Variants in EML6 observed in about 807,000 individuals in gnomAD.
EML6 encodes the protein echinoderm microtubule-associated protein-like 6.
In EML6, 154 loss-of-function variants were observed where a neutral mutation model predicts 240.1. That is an observed-to-expected ratio of 0.64 (90% CI 0.56 to 0.73). The LOEUF (loss-of-function observed/expected upper bound fraction) is 0.73. EML6 is among the 30% of genes least tolerant of loss of function. The pLI, the probability that EML6 is intolerant of heterozygous loss-of-function variation, is 0.00. For synonymous variants in EML6, 1,148 were observed against 899.0 expected, an observed-to-expected ratio of 1.28 and a Z score of -4.95; for missense variants, 2,964 against 2,474.6, an observed-to-expected ratio of 1.20 and a Z score of -4.20.
Position 54,797,650 on chromosome 2 carries a change from G to C in EML6, c.198-15582G>C, listed in dbSNP as rs192086596. On this transcript the variant is annotated intron_variant, in intron 2 of 41. Coordinates refer to ENST00000356458, the MANE Select transcript of EML6 (RefSeq NM_001039753.4). ...TAAAAAAAAAAAAATGCTAGCAATA[G>C]TTGAGGCTTCAGCTAAGGTCTTTGG... Among the ~76,000 whole-genome samples, 4 of 151,968 alleles carry C rather than the reference G, an allele frequency of 2.6e-5. No individual in the cohort carries two copies. In the East Asian group the frequency reaches 7.7e-4, roughly 29 times the overall value.
intron 2 of EML6, among the ~76,000 whole-genome samples, chr2:54,766,123 T>C (rs1668179502): frequency 6.6e-6 from 1 of 152,172 alleles, no homozygotes; most frequent in Non-Finnish European, 1.5e-5. Context: ...CACTTGAGAG[T>C]AAGTTGCAGA....
chr2:54,933,416 T>C (rs1428348582), intron 28 of EML6, among the ~76,000 whole-genome samples: 1 of 152,158 alleles, frequency 6.6e-6, no homozygotes, highest in African/African-American at 2.4e-5. Flanking sequence ...ATATATATTC[T>C]CTTAAAATGG....
intron 6 of EML6, among the ~76,000 whole-genome samples, chr2:54,828,635 C>A (rs961322607): frequency 6.6e-6 from 1 of 152,138 alleles, no homozygotes; most frequent in East Asian, 1.9e-4. Context: ...TGAAACAGCT[C>A]TTAAAATAAT....
intron 9 of EML6, among the ~76,000 whole-genome samples, chr2:54,847,969 A>G (rs1669861921): frequency 6.6e-6 from 1 of 152,228 alleles, no homozygotes; most frequent in South Asian, 2.1e-4. Flanking sequence ...ATGTTACATG[A>G]TACATTGTGT....
intron 33 of EML6, 129 bp downstream of exon 33, chr2:54,958,127 G>T (rs923388124): frequency 1.3e-6 from 1 of 753,464 alleles, no homozygotes; most frequent in Non-Finnish European, 2.1e-6. Context: ...ATTCGCTCCT[G>T]TACTGGCTTA....
chr2:54,911,025 A>T lies in EML6; in HGVS notation c.3481A>T (p.Ile1161Leu). 1 of 1,525,142 alleles carries T rather than the reference A, an allele frequency of 6.6e-7. No homozygotes were observed. Among genetic ancestry groups the T allele is most frequent in the Non-Finnish European group, 8.9e-7 (1 of 1,125,538 alleles). 94.5% of individuals were successfully genotyped at this position (1,525,142 alleles called of 1,614,324 possible). A position where few individuals can be genotyped will look rare whatever the true frequency, so the allele number is the denominator to read the frequency against. Residue 1161 changes from isoleucine (I) to leucine (L), a missense_variant, in exon 25 of 42, where the codon ATA (isoleucine) becomes TTA (leucine). By Grantham distance (5) the Ile-to-Leu change is conservative (BLOSUM62 2). Transcript: ENST00000356458. ...TGAAGCTCCAAGAGGCAAACGGCATATAATAAGACCTTCAGAGGTAATAAT... is the reference window on the plus strand; with the variant it reads ...TGAAGCTCCAAGAGGCAAACGGCATTTAATAAGACCTTCAGAGGTAATAAT... The part of the protein sequence containing the change: ...FFEAPRGKRH[I>L]IRPSEIEKIE...
chr2:54,851,009 A>G (rs1335780123), intron 10 of EML6, among the ~76,000 whole-genome samples: 1 of 152,216 alleles, frequency 6.6e-6, no homozygotes, highest in African/African-American at 2.4e-5. Flanking sequence ...ATTCTGTATT[A>G]TTTATGACCA....
At chr2:54,810,209 G>GA (rs942077420) in intron 2 of EML6, among the ~76,000 whole-genome samples, 2 of 151,230 alleles carry the variant, frequency 1.3e-5, no homozygotes, top group African/African-American at 4.9e-5. Flanking sequence ...CTTCTGGCAA[G>GA]AAAAAAAAAT....
At chr2:54,860,305 C>A (rs1670607939) in intron 12 of EML6, among the ~76,000 whole-genome samples, 1 of 152,094 alleles carries the variant, frequency 6.6e-6, no homozygotes, top group South Asian at 2.1e-4. Flanking sequence ...AGTCTCTAGA[C>A]CATGGGAAAG....
intron 2 of EML6, among the ~76,000 whole-genome samples, chr2:54,793,469 C>CT (rs1445730346): frequency 7.2e-6 from 1 of 139,216 alleles, no homozygotes; most frequent in African/African-American, 2.7e-5. Flanking sequence ...GCAAGCATAT[C>CT]TTTGTATATT....
intron 35 of EML6, among the ~76,000 whole-genome samples, chr2:54,962,085 T>TG (rs985326333): frequency 5.5e-5 from 8 of 144,904 alleles, no homozygotes; most frequent in African/African-American, 2.0e-4. Flanking sequence ...AGTTACTTGT[T>TG]TTTTTTTTTT....
intron 2 of EML6, among the ~76,000 whole-genome samples, chr2:54,760,279 C>G (rs1026668774): frequency 1.3e-5 from 2 of 151,842 alleles, no homozygotes; most frequent in Admixed American, 6.6e-5. Flanking sequence ...TCCATGCTCC[C>G]CAGATATTCA....
chr2:54,888,505 T>A (rs1320229759), intron 17 of EML6, among the ~76,000 whole-genome samples: 1 of 152,184 alleles, frequency 6.6e-6, no homozygotes, highest in Non-Finnish European at 1.5e-5. Context: ...GTTCTGCCTA[T>A]TTATCCTTTC....
chr2:54,861,501 G>C (rs544953823), intron 12 of EML6, among the ~76,000 whole-genome samples: 1 of 152,322 alleles, frequency 6.6e-6, no homozygotes, highest in African/African-American at 2.4e-5. Flanking sequence ...ACTGTGCTCA[G>C]CTTCACTGTG....
chr2:54,750,395 T>C (rs1449940229), intron 2 of EML6, among the ~76,000 whole-genome samples: 5 of 152,200 alleles, frequency 3.3e-5, no homozygotes, highest in Admixed American at 6.5e-5. Flanking sequence ...AGCAGTTAGC[T>C]TATTGGCATC....
chr2:54,915,000 G>A (rs188005433), intron 25 of EML6, among the ~76,000 whole-genome samples: 23 of 152,182 alleles, frequency 1.5e-4, no homozygotes, highest in Middle Eastern at 6.8e-3. Flanking sequence ...ACCTGTCTGT[G>A]GGCCTCAGTT....
chr2:54,837,828 C>T (rs1007488291), intron 7 of EML6, among the ~76,000 whole-genome samples: 10 of 152,202 alleles, frequency 6.6e-5, no homozygotes, highest in African/African-American at 2.4e-4. Context: ...GCGCAAGCAT[C>T]TGTGTCTTTT....
intron 37 of EML6, 64 bp from the exon 38 acceptor site, chr2:54,964,507 T>G (rs1266674942): frequency 1.1e-5 from 17 of 1,486,750 alleles, no homozygotes; most frequent in Non-Finnish European, 1.5e-5. Context: ...CAGACCAGCC[T>G]TCGTGCCTGA....
chr2:54,773,409 A>C (rs1163933310), intron 2 of EML6, among the ~76,000 whole-genome samples: 1 of 152,198 alleles, frequency 6.6e-6, no homozygotes, highest in African/African-American at 2.4e-5. Context: ...AGACTGTCAA[A>C]TTGCTTATCT....
Sources: gnomAD v4.1 joint callset for allele counts (sites outside exome capture counted in the v4.1 genomes callset) on GRCh38, gnomAD v4.1.1 for gene constraint, MANE v1.5 for transcripts, NCBI Gene and HGNC (gene_info 2026-07-23, HGNC 2026-07-21) for gene names.